Variants in MYH11 observed in about 807,000 individuals in gnomAD.
The protein encoded by MYH11 is myosin-11.
Under a neutral mutation model 246.6 loss-of-function variants are expected in MYH11, and 80 were observed. The observed-to-expected ratio is 0.32, with a 90% CI of 0.27 to 0.39. MYH11 has a LOEUF of 0.39. MYH11 is among the 10% of genes least tolerant of loss of function. MYH11 has a pLI of 1.00. For synonymous variants in MYH11, 1,071 were observed against 1,015.5 expected, an observed-to-expected ratio of 1.05 and a Z score of -1.04; for missense variants, 2,158 against 2,546.8, an observed-to-expected ratio of 0.85 and a Z score of 3.29.
chr16:15,747,848 G>A lies in MYH11; in HGVS notation c.2250+26C>T, dbSNP rs1567724198. The A allele has an allele frequency of 1.9e-6, 3 of 1,613,570 alleles. No homozygotes were observed. The South Asian group carries it at 3.3e-5, about 18-fold the overall frequency. On this transcript the variant is annotated intron_variant, in intron 18 of 40. Coordinates refer to ENST00000300036, the MANE Select transcript of MYH11 (RefSeq NM_002474.3). ...GGTGGCTTGCGGCCAGAGGTTGGGAGGTCTCTGGTGGACTTCTGGGCTCAC... is the reference window on the plus strand; with the variant it reads ...GGTGGCTTGCGGCCAGAGGTTGGGAAGTCTCTGGTGGACTTCTGGGCTCAC...
chr16:15,841,717 A>G (rs145563997), intron 1 of MYH11, among the ~76,000 whole-genome samples: 17 of 152,324 alleles, frequency 1.1e-4, no homozygotes, highest in African/African-American at 4.1e-4. Flanking sequence ...CTCTCTGACC[A>G]TAGCTGCAGG....
chr16:15,747,783 A>G, intron 18 of MYH11, 53 bp from the exon 19 acceptor site: 1 of 1,613,182 alleles, frequency 6.2e-7, no homozygotes, highest in Non-Finnish European at 8.5e-7. Context: ...CCATTTGGCC[A>G]GTGATGACAT....
intron 36 of MYH11, 75 bp downstream of exon 36, chr16:15,719,145 A>G: frequency 6.9e-7 from 1 of 1,447,104 alleles, no homozygotes; most frequent in Non-Finnish European, 9.6e-7. Flanking sequence ...TTTAAAAAAT[A>G]AAATGGGGGT....
Position 15,835,653 on chromosome 16 carries a change from C to T in MYH11, c.345+2255G>A, listed in dbSNP as rs1227667880. ...ACCACAGCAAAAACCAATCTAGTAACACTTAACATTTTCAGTGCCTGCACT... is the reference window on the plus strand; with the variant it reads ...ACCACAGCAAAAACCAATCTAGTAATACTTAACATTTTCAGTGCCTGCACT... On this transcript the variant is annotated intron_variant, in intron 2 of 40. Coordinates refer to ENST00000300036, the MANE Select transcript of MYH11 (RefSeq NM_002474.3). Among the ~76,000 whole-genome samples, 6 of 151,978 alleles carry T rather than the reference C, an allele frequency of 3.9e-5. No individual in the cohort carries two copies. The East Asian group carries it at 9.7e-4, about 25-fold the overall frequency.
At chr16:15,789,960 G>T (rs1427561311) in intron 4 of MYH11, among the ~76,000 whole-genome samples, 2 of 152,146 alleles carry the variant, frequency 1.3e-5, no homozygotes, top group African/African-American at 2.4e-5. Flanking sequence ...TCCCACAATA[G>T]TTCCTTCCTT....
At chr16:15,733,991 A>G (rs2041042971) in intron 26 of MYH11, among the ~76,000 whole-genome samples, 1 of 152,232 alleles carries the variant, frequency 6.6e-6, no homozygotes, top group African/African-American at 2.4e-5. Context: ...GCTATATGCT[A>G]TGATACATGC....
intron 3 of MYH11, among the ~76,000 whole-genome samples, chr16:15,807,314 T>C (rs2043036802): frequency 6.6e-6 from 1 of 152,078 alleles, no homozygotes; most frequent in African/African-American, 2.4e-5. Flanking sequence ...TTATCCTTGC[T>C]TTTGAGAAGT....
chr16:15,780,894 G>A (rs1215012509), intron 6 of MYH11, among the ~76,000 whole-genome samples: 1 of 152,098 alleles, frequency 6.6e-6, no homozygotes, highest in Non-Finnish European at 1.5e-5. Context: ...TTGGTTCAGC[G>A]CTTCACTGAG....
At position 15,714,471 on chromosome 16, in the gene MYH11, A is replaced by T. The variant is rs1248489716; in HGVS notation, c.5786+438T>A. 1.3e-5 allele frequency: 3 copies of T among 231,942 alleles called. No homozygotes were observed. In the Middle Eastern group the frequency reaches 5.5e-3, roughly 422 times the overall value. 14.4% of individuals were successfully genotyped at this position (231,942 alleles called of 1,614,324 possible). A position where few individuals can be genotyped will look rare whatever the true frequency, so the allele number is the denominator to read the frequency against. ...GAATGTCGGACAGCCCCCATACCCG[A>T]GAATAATGCAGCCCAGATGGCAGCA... On this transcript the variant is annotated intron_variant, in intron 40 of 40. Transcript: ENST00000300036.
chr16:15,856,219 G>GT (rs34789214), intron 1 of MYH11, among the ~76,000 whole-genome samples: 7,569 of 96,954 alleles, frequency 0.078, 286 homozygotes, highest in African/African-American at 0.12. Flanking sequence ...TGGGTGAGTT[G>GT]TTTTTTTTTT....
rs777121788 is a variant in MYH11 at position 15,727,025 on chromosome 16, C to G, written c.3681G>C (p.Gln1227His). 1 of 1,611,990 alleles carries G rather than the reference C, an allele frequency of 6.2e-7. No homozygotes were observed. Among genetic ancestry groups the G allele is most frequent in the Non-Finnish European group, 8.5e-7 (1 of 1,178,912 alleles). Residue 1227 changes from glutamine (Q) to histidine (H), a missense_variant, in exon 28 of 41, where the codon CAG becomes CAC. By Grantham distance (24) the Gln-to-His change is conservative. This residue lies in a region of MYH11 where 1,013 missense variants were observed against 993.5 expected (regional missense o/e 1.02). Transcript: ENST00000300036. ...GGTCTGCGTTCTCTTTCTCCAGCGTCTGCTTATTCTTGTCTAGGTTCGCCT... is the reference window on the plus strand; with the variant it reads ...GGTCTGCGTTCTCTTTCTCCAGCGTGTGCTTATTCTTGTCTAGGTTCGCCT... Reference protein sequence around the residue: ...RAKANLDKNKQTLEKENADLA... With the variant: ...RAKANLDKNKHTLEKENADLA...
chr16:15,842,657 G>T (rs1013273774), intron 1 of MYH11, among the ~76,000 whole-genome samples: 3 of 150,812 alleles, frequency 2.0e-5, no homozygotes, highest in African/African-American at 4.9e-5. Context: ...CTAGCTACTC[G>T]GGAGGCTGAG....
intron 1 of MYH11, among the ~76,000 whole-genome samples, chr16:15,840,541 G>T (rs1368038632): frequency 6.6e-6 from 1 of 152,098 alleles, no homozygotes; most frequent in East Asian, 1.9e-4. Context: ...AGACCAACCT[G>T]GGCAACATAA....
At chr16:15,840,201 A>G (rs996711206) in intron 1 of MYH11, among the ~76,000 whole-genome samples, 3 of 152,224 alleles carry the variant, frequency 2.0e-5, no homozygotes, top group African/African-American at 7.2e-5. Context: ...GACTGTATAC[A>G]TTTGTCAAAA....
intron 19 of MYH11, among the ~76,000 whole-genome samples, chr16:15,747,024 G>A (rs922603493): frequency 1.3e-5 from 2 of 152,024 alleles, no homozygotes; most frequent in African/African-American, 4.8e-5. Context: ...AGAGGCAGAG[G>A]TTGCAGTGAG....
At chr16:15,719,423 G>T in intron 35 of MYH11, 115 bp from the exon 36 acceptor site, 2 of 1,473,846 alleles carry the variant, frequency 1.4e-6, no homozygotes, top group Non-Finnish European at 1.9e-6. Context: ...TGAGCTCAGG[G>T]GAGGCCCCGT....
chr16:15,838,124 C>T lies in MYH11; in HGVS notation c.129G>A (p.Gln43=). 3 of 1,614,152 alleles carry T rather than the reference C, an allele frequency of 1.9e-6. No homozygotes were observed. The highest frequency in any genetic ancestry group is 1.1e-5 in the South Asian group (1 of 91,074). ...KRLVWVPSEK[Q]GFEAASIKEE... is the part of the protein sequence containing the mutation. ...CCTTAATGCTGGCTGCCTCGAAGCC[C>T]TGCTTCTCCGAGGGGACCCAGACGA... The change falls in exon 2 of 41, where the codon CAG becomes CAA. Residue 43 remains glutamine (Q), a synonymous_variant. Coordinates refer to ENST00000300036, the MANE Select transcript of MYH11 (RefSeq NM_002474.3).
At chr16:15,813,287 T>C (rs2043182872) in intron 3 of MYH11, among the ~76,000 whole-genome samples, 1 of 152,078 alleles carries the variant, frequency 6.6e-6, no homozygotes, top group African/African-American at 2.4e-5. Context: ...AGTTTGAGGC[T>C]GCAGTGAGTT....
At chr16:15,815,010 A>G in intron 3 of MYH11, among the ~76,000 whole-genome samples, 1 of 152,270 alleles carries the variant, frequency 6.6e-6, no homozygotes, top group East Asian at 1.9e-4. Flanking sequence ...CTCCAGGCAG[A>G]AGATTTTTCT....
Sources: gnomAD v4.1 joint callset for allele counts (sites outside exome capture counted in the v4.1 genomes callset) on GRCh38, gnomAD v4.1.1 for gene constraint, gnomAD v4.1.1 regional missense constraint, MANE v1.5 for transcripts, NCBI Gene and HGNC (gene_info 2026-07-23, HGNC 2026-07-21) for gene names.